The following CNOT1 variants were observed in gnomAD, a reference collection of about 807,000 sequenced individuals.
CNOT1 encodes CCR4-NOT transcription complex subunit 1.
CNOT1 carries 15 observed loss-of-function variants against 273.8 expected under a neutral mutation model. The ratio of observed to expected loss-of-function variants is 0.05; its 90% confidence interval spans 0.04 to 0.08. The LOEUF (loss-of-function observed/expected upper bound fraction) is 0.08. Among genes scored for constraint, CNOT1 ranks in the 10% least tolerant of loss-of-function variants. The pLI is 1.00. For synonymous variants in CNOT1, 1,022 were observed against 1,005.5 expected, an observed-to-expected ratio of 1.02 and a Z score of -0.31; for missense variants, 1,644 against 2,912.2, an observed-to-expected ratio of 0.56 and a Z score of 10.02.
At chr16:58,563,700 T>C (rs2040939666) in intron 16 of CNOT1, among the ~76,000 whole-genome samples, 1 of 152,202 alleles carries the variant, frequency 6.6e-6, no homozygotes, top group Admixed American at 6.5e-5. Context: ...CTCCATGTTG[T>C]CCCATATCTC....
At chr16:58,525,414 TAGC>T in intron 45 of CNOT1, 55 bp from the exon 46 acceptor site, 5 of 1,467,404 alleles carry the variant, frequency 3.4e-6, no homozygotes, top group Non-Finnish European at 4.7e-6. Flanking sequence ...GGACCAATTC[TAGC>T]ACCAGTATTT....
chr16:58,588,376 T>C (rs2041946192), intron 3 of CNOT1, among the ~76,000 whole-genome samples: 1 of 152,132 alleles, frequency 6.6e-6, no homozygotes, highest in Non-Finnish European at 1.5e-5. Flanking sequence ...AAAAACTCAT[T>C]ACACTACTCA....
chr16:58,581,635 GT>G (rs1271966905), intron 10 of CNOT1, 120 bp from the exon 11 acceptor site: 1 of 1,388,808 alleles, frequency 7.2e-7, no homozygotes, highest in Non-Finnish European at 9.4e-7. Context: ...AATTTTTAAT[GT>G]GAATTTTAAG....
Position 58,586,615 on chromosome 16 carries a change from G to C in CNOT1, c.567C>G (p.Leu189=). 1 of 1,612,786 alleles carries C rather than the reference G, an allele frequency of 6.2e-7. No homozygotes were observed. Among genetic ancestry groups the C allele is most frequent in the Non-Finnish European group, 8.5e-7 (1 of 1,179,738 alleles). Residue 189 remains leucine (L), a synonymous_variant, in exon 7 of 49, where the codon CTC becomes CTG. Transcript: ENST00000317147. ...EVLHLLLSHL[L]FGQKGAFGVG... is the part of the protein sequence containing the mutation. ...CTCCAAAGGCTCCCTTCTGCCCAAA[G>C]AGGAGATGGGAGAGGAGGAGGTGTA...
chr16:58,575,777 G>A (rs564243172), intron 14 of CNOT1, among the ~76,000 whole-genome samples: 4 of 150,582 alleles, frequency 2.7e-5, no homozygotes, highest in South Asian at 2.1e-4. Context: ...CAGCCTGGGC[G>A]ACAGAGTAAG....
chr16:58,541,457 A>C (rs1436951085), intron 34 of CNOT1, 44 bp downstream of exon 34: 1 of 1,589,530 alleles, frequency 6.3e-7, no homozygotes, highest in African/African-American at 1.4e-5. Flanking sequence ...AAAAACATTT[A>C]AATTAATTGG....
intron 6 of CNOT1, 35 bp from the exon 7 acceptor site, chr16:58,586,783 T>C: frequency 1.9e-6 from 3 of 1,605,790 alleles, no homozygotes; most frequent in Non-Finnish European, 2.5e-6. Flanking sequence ...CGCAAGTTAC[T>C]TTTGCACCAC....
intron 2 of CNOT1, chr16:58,597,454 GA>G: frequency 5.2e-6 from 1 of 190,764 alleles, no homozygotes; most frequent in Non-Finnish European, 1.1e-5. Flanking sequence ...CAGCCTGAGT[GA>G]CAGAGTGAAA....
At chr16:58,549,062 G>T (rs764016886) in intron 25 of CNOT1, among the ~76,000 whole-genome samples, 13 of 152,192 alleles carry the variant, frequency 8.5e-5, no homozygotes, top group Non-Finnish European at 1.8e-4. Context: ...GCCGAGGAGG[G>T]TGGATCACCT....
In CNOT1 at chr16:58,581,523, A is replaced by C; in HGVS notation, c.1045-8T>G. ...GAAATTCAAACTTGGATTCTAAAAAAGACCAAAGCAGTTTAAAATGTAATG... is the reference window on the plus strand; with the variant it reads ...GAAATTCAAACTTGGATTCTAAAAACGACCAAAGCAGTTTAAAATGTAATG... On this transcript the variant is annotated splice_region_variant and splice_polypyrimidine_tract_variant and intron_variant, in intron 10 of 48. Coordinates refer to ENST00000317147, the MANE Select transcript of CNOT1 (RefSeq NM_016284.5). The C allele has an allele frequency of 1.2e-6, 2 of 1,605,760 alleles. No homozygotes were observed. The highest frequency in any genetic ancestry group is 1.7e-6 in the Non-Finnish European group (2 of 1,176,662).
At chr16:58,568,519 A>G (rs1255090993) in intron 16 of CNOT1, among the ~76,000 whole-genome samples, 1 of 152,004 alleles carries the variant, frequency 6.6e-6, no homozygotes, top group Non-Finnish European at 1.5e-5. Flanking sequence ...CCCTGTCTCT[A>G]CTAAAAATAC....
At chr16:58,536,046 TAGTTTCA>T (rs772105159) in intron 39 of CNOT1, among the ~76,000 whole-genome samples, 5 of 152,192 alleles carry the variant, frequency 3.3e-5, no homozygotes, top group Admixed American at 6.5e-5. Flanking sequence ...AAAGTAAACC[TAGTTTCA>T]AATAACTTCT....
chr16:58,523,272 C>T (rs1041247848), intron 47 of CNOT1, 98 bp downstream of exon 47: 26 of 1,310,948 alleles, frequency 2.0e-5, no homozygotes, highest in African/African-American at 1.2e-4. Context: ...ACCAACCAAA[C>T]GGATTTTCAC....
chr16:58,581,825 G>A (rs1055837550), intron 10 of CNOT1, among the ~76,000 whole-genome samples: 1 of 151,854 alleles, frequency 6.6e-6, no homozygotes, highest in Admixed American at 6.6e-5. Flanking sequence ...ACATGCCCAG[G>A]TAATTTTTTA....
chr16:58,605,803 C>T (rs1270276539), intron 1 of CNOT1, among the ~76,000 whole-genome samples: 1 of 152,072 alleles, frequency 6.6e-6, no homozygotes, highest in Non-Finnish European at 1.5e-5. Flanking sequence ...GGACTACAAG[C>T]GCCCGCTGCC....
intron 16 of CNOT1, among the ~76,000 whole-genome samples, chr16:58,566,909 C>T (rs987528423): frequency 2.6e-5 from 4 of 152,074 alleles, no homozygotes; most frequent in Non-Finnish European, 5.9e-5. Flanking sequence ...GGGATTACAG[C>T]TGTGAGCCAC....
chr16:58,621,959 T>A, intron 1 of CNOT1, among the ~76,000 whole-genome samples: 1 of 146,628 alleles, frequency 6.8e-6, no homozygotes, highest in South Asian at 2.3e-4. Flanking sequence ...AAGAGTGAAT[T>A]CTAATGTAAA....
chr16:58,560,150 G>C, intron 17 of CNOT1, 62 bp downstream of exon 17: 1 of 1,585,306 alleles, frequency 6.3e-7, no homozygotes, highest in Non-Finnish European at 8.6e-7. Flanking sequence ...TAATGACATA[G>C]GAGCTTATTC....
At chr16:58,606,589 G>C (rs1212891139) in intron 1 of CNOT1, among the ~76,000 whole-genome samples, 1 of 152,136 alleles carries the variant, frequency 6.6e-6, no homozygotes, top group Non-Finnish European at 1.5e-5. Flanking sequence ...GATCACCTGA[G>C]GTCAGGAGTT....
Sources: allele counts gnomAD v4.1 joint callset (sites outside exome capture counted in the v4.1 genomes callset), GRCh38; gene constraint gnomAD v4.1.1; transcripts MANE v1.5; gene names NCBI Gene and HGNC (gene_info 2026-07-23, HGNC 2026-07-21).